MFAP1: variants seen among roughly 807,000 people sequenced by gnomAD.
MFAP1 encodes the protein microfibril associated protein 1.
A neutral mutation model predicts 62.2 loss-of-function variants in MFAP1; 18 were observed. The ratio of observed to expected loss-of-function variants is 0.29; its 90% confidence interval spans 0.20 to 0.43. The LOEUF (loss-of-function observed/expected upper bound fraction) is 0.43, where lower values mean the gene tolerates loss of function less well. Ranked by LOEUF, MFAP1 falls within the 20% of genes least tolerant of loss-of-function variation. MFAP1 has a pLI of 1.00. For missense variants in MFAP1, 355 were observed against 559.7 expected (o/e 0.63, Z 3.69); for synonymous variants, 175 against 180.4 (o/e 0.97, Z 0.24).
At chr15:43,807,276 G>A (rs763799749) in intron 7 of MFAP1, among the ~76,000 whole-genome samples, 1 of 148,226 alleles carries the variant, frequency 6.7e-6, no homozygotes, top group Non-Finnish European at 1.5e-5. Flanking sequence ...GCTTGAACCC[G>A]GGAGGCGGAG....
At chr15:43,811,805 G>T (rs2087403142) in intron 6 of MFAP1, among the ~76,000 whole-genome samples, 1 of 151,948 alleles carries the variant, frequency 6.6e-6, no homozygotes, top group African/African-American at 2.4e-5. Flanking sequence ...ATCACGCCCA[G>T]CCTAGAGTTA....
chr15:43,812,515 C>T (rs962404194), intron 6 of MFAP1, among the ~76,000 whole-genome samples: 3 of 152,180 alleles, frequency 2.0e-5, no homozygotes, highest in Non-Finnish European at 4.4e-5. Flanking sequence ...CTGATAGCCA[C>T]CACCTACTAC....
At chr15:43,820,338 C>CA (rs369355418) in intron 1 of MFAP1, among the ~76,000 whole-genome samples, 35 of 151,814 alleles carry the variant, frequency 2.3e-4, no homozygotes, top group African/African-American at 8.0e-4. Context: ...ACAACAACAA[C>CA]AAAAAAAACC....
chr15:43,819,958 T>C (rs1008211995), intron 1 of MFAP1, among the ~76,000 whole-genome samples: 4 of 152,150 alleles, frequency 2.6e-5, no homozygotes, highest in Non-Finnish European at 5.9e-5. Flanking sequence ...ACATCCTGGC[T>C]AACACAGTGA....
At chr15:43,817,549 G>T in intron 1 of MFAP1, 101 bp from the exon 2 acceptor site, 2 of 1,149,900 alleles carry the variant, frequency 1.7e-6, no homozygotes, top group Non-Finnish European at 1.2e-6. Context: ...TAGTAGACAA[G>T]AGTCTAAGCA....
chr15:43,811,462 G>T (rs1263110858), intron 6 of MFAP1, among the ~76,000 whole-genome samples: 1 of 149,290 alleles, frequency 6.7e-6, no homozygotes, highest in East Asian at 2.0e-4. Flanking sequence ...GCTGAGTATG[G>T]AGTTATCTAC....
At chr15:43,806,600 C>T (rs532398891) in intron 7 of MFAP1, among the ~76,000 whole-genome samples, 69 of 152,346 alleles carry the variant, frequency 4.5e-4, no homozygotes, top group Non-Finnish European at 9.3e-4. Flanking sequence ...CTAGGCTGGG[C>T]GCAGTGGCTC....
intron 6 of MFAP1, 40 bp downstream of exon 6, chr15:43,812,947 C>T (rs763882669): frequency 3.7e-6 from 6 of 1,605,200 alleles, no homozygotes; most frequent in Non-Finnish European, 5.1e-6. Context: ...GAAACCTGTT[C>T]CATTAGCAGC....
intron 1 of MFAP1, among the ~76,000 whole-genome samples, chr15:43,821,717 T>C (rs1452687752): frequency 6.6e-6 from 1 of 152,160 alleles, no homozygotes; most frequent in Non-Finnish European, 1.5e-5. Flanking sequence ...ATCTTAAATA[T>C]TTACATTCCC....
intron 1 of MFAP1, among the ~76,000 whole-genome samples, chr15:43,822,328 AGAT>A (rs1274268193): frequency 1.3e-5 from 2 of 152,210 alleles, no homozygotes; most frequent in African/African-American, 4.8e-5. Context: ...CCAAGTGTGT[AGAT>A]GATGAATATA....
At chr15:43,812,892 G>C (rs2087410618) in intron 6 of MFAP1, 95 bp downstream of exon 6, 1 of 1,397,234 alleles carries the variant, frequency 7.2e-7, no homozygotes, top group African/African-American at 1.4e-5. Flanking sequence ...AAGGTGGCTA[G>C]AATGGAACTC....
chr15:43,813,086 T>A lies in MFAP1; in HGVS notation c.788A>T (p.Asp263Val), dbSNP rs761792659. 2 of 1,614,228 alleles carry A rather than the reference T, an allele frequency of 1.2e-6. No homozygotes were observed. Among genetic ancestry groups the A allele is most frequent in the Admixed American group, 1.7e-5 (1 of 60,022 alleles). ...ATTTTCATCATCAGTATTGAGTGCATCCAATGCAGCCAGGGATCGCTTGTT... is the reference window on the plus strand; with the variant it reads ...ATTTTCATCATCAGTATTGAGTGCAACCAATGCAGCCAGGGATCGCTTGTT... ...EENKRSLAAL[D>V]ALNTDDENDE... Residue 263 changes from aspartate to valine, a missense_variant, in exon 6 of 9, where the codon GAT becomes GTT. Around this residue, in one of 6 missense-constraint regions of MFAP1, gnomAD observed 257 missense variants for 341.3 expected, o/e 0.75. Transcript: ENST00000267812.
Position 43,817,455 on chromosome 15 carries a change from G to A in MFAP1, c.80-7C>T, listed in dbSNP as rs753625624. ...TTTTCCATTGAAATCTCACCTGGGC[G>A]AGAAAGGTAACTTATGTTTCAGTAG... On this transcript the variant is annotated splice_polypyrimidine_tract_variant and splice_region_variant and intron_variant, in intron 1 of 8. Transcript: ENST00000267812. 6.2e-7 allele frequency: 1 copy of A among 1,614,008 alleles called. No individual in the cohort carries two copies. The highest frequency in any genetic ancestry group is 1.1e-5 in the South Asian group (1 of 91,064).
At chr15:43,815,150 A>G in intron 2 of MFAP1, 76 bp from the exon 3 acceptor site, 2 of 1,578,526 alleles carry the variant, frequency 1.3e-6, no homozygotes, top group Admixed American at 3.5e-5. Flanking sequence ...CCATAGCCAC[A>G]GAGCACATTA....
intron 1 of MFAP1, among the ~76,000 whole-genome samples, chr15:43,824,153 G>A (rs1275742438): frequency 6.6e-6 from 1 of 150,490 alleles, no homozygotes; most frequent in Non-Finnish European, 1.5e-5. Context: ...ATATATATTA[G>A]ACTAATACAT....
intron 6 of MFAP1, among the ~76,000 whole-genome samples, chr15:43,812,186 G>A (rs1252319175): frequency 7.0e-6 from 1 of 142,280 alleles, no homozygotes; most frequent in African/African-American, 2.6e-5. Context: ...GAAACTTCAT[G>A]TCAAAAAAAA....
rs2087389229 is a variant in MFAP1 at position 43,810,004 on chromosome 15, T to A, written c.888-90A>T. On this transcript the variant is annotated intron_variant, in intron 6 of 8. Coordinates refer to ENST00000267812, the MANE Select transcript of MFAP1 (RefSeq NM_005926.3). ...AATAACAGTCCCATGTCATTTCAAG[T>A]ATTAGTCACCTTCTTTAATTCTAGT... 3.4e-6 allele frequency: 5 copies of A among 1,456,330 alleles called. No individual in the cohort carries two copies. The East Asian group carries it at 1.1e-4, about 33-fold the overall frequency. The allele number at this position is 1,456,330 out of a possible 1,614,324, so 90.2% of individuals were successfully genotyped here.
chr15:43,822,820 C>T (rs1472192052), intron 1 of MFAP1, among the ~76,000 whole-genome samples: 2 of 151,856 alleles, frequency 1.3e-5, no homozygotes, highest in African/African-American at 2.4e-5. Context: ...CACTACATCC[C>T]GCTAATTTTT....
chr15:43,823,950 G>C (rs1348872419), intron 1 of MFAP1, among the ~76,000 whole-genome samples: 1 of 152,108 alleles, frequency 6.6e-6, no homozygotes, highest in East Asian at 1.9e-4. Flanking sequence ...AAGAGGGACT[G>C]TATCCCGCAC....
Sources: allele counts gnomAD v4.1 joint callset (sites outside exome capture counted in the v4.1 genomes callset), GRCh38; gene constraint gnomAD v4.1.1; regional missense constraint gnomAD v4.1.1; transcripts MANE v1.5; gene names NCBI Gene and HGNC (gene_info 2026-07-23, HGNC 2026-07-21).